The following EPS15L1 variants were observed in gnomAD, a reference collection of about 807,000 sequenced individuals.
The protein encoded by EPS15L1 is epidermal growth factor receptor substrate 15-like 1.
EPS15L1 carries 43 observed loss-of-function variants against 117.1 expected under a neutral mutation model. The observed-to-expected ratio is 0.37, with a 90% CI of 0.29 to 0.47. The LOEUF (loss-of-function observed/expected upper bound fraction) is 0.47, where lower values mean the gene tolerates loss of function less well. Among genes scored for constraint, EPS15L1 ranks in the 20% least tolerant of loss-of-function variants. The pLI, the probability that EPS15L1 is intolerant of heterozygous loss-of-function variation, is 0.99. For synonymous variants in EPS15L1, 459 were observed against 470.5 expected, an observed-to-expected ratio of 0.98 and a Z score of 0.32; for missense variants, 981 against 1,164.0, an observed-to-expected ratio of 0.84 and a Z score of 2.29.
intron 19 of EPS15L1, among the ~76,000 whole-genome samples, chr19:16,389,165 G>T (rs568559986): frequency 6.6e-6 from 1 of 151,348 alleles, no homozygotes; most frequent in East Asian, 1.9e-4. Context: ...GAAAAGAAAA[G>T]AATAATAGCT....
Position 16,402,469 on chromosome 19 carries a change from G to C in EPS15L1, c.1643C>G (p.Ser548Cys). Reference sequence around the variant, plus strand: ...CTCCTGGCGGCTTTCATGCAGCTGGGAAAGTTTGCTCCTTGCCTGTGCAAC... The same window carrying C: ...CTCCTGGCGGCTTTCATGCAGCTGGCAAAGTTTGCTCCTTGCCTGTGCAAC... ...DEINQARSKL[S>C]QLHESRQEAH... is the part of the protein sequence containing the mutation. Residue 548 changes from serine to cysteine, a missense_variant, in exon 16 of 24, where the codon TCC becomes TGC. Physicochemically the swap from Ser to Cys is moderately radical, Grantham distance 112 (BLOSUM62 -1). Transcript: ENST00000455140. 1 of 1,607,364 alleles carries C rather than the reference G, an allele frequency of 6.2e-7. No homozygotes were observed.
rs1040088633 is a variant in EPS15L1 at position 16,377,398 on chromosome 19, G to C, written c.2248-144C>G. On this transcript the variant is annotated intron_variant, in intron 21 of 23. Transcript: ENST00000455140. The stretch of plus-strand genomic sequence containing the variant: ...GCACAACATGGCCCTGCTTGGACGT[G>C]GGGTCTCTTTCAAGCCCCATGCTTT... 4.5e-6 allele frequency: 4 copies of C among 893,258 alleles called. No individual in the cohort carries two copies. In the South Asian group the frequency reaches 6.9e-5, roughly 15 times the overall value. The allele number at this position is 893,258 out of a possible 1,614,324, so 55.3% of individuals were successfully genotyped here.
Position 16,364,003 on chromosome 19 carries a change from G to T in EPS15L1, c.2381-2019C>A, listed in dbSNP as rs1055708101. 7.2e-5 allele frequency among the ~76,000 whole-genome samples: 11 copies of T among 152,212 alleles called. No individual in the cohort carries two copies. In the South Asian group the frequency reaches 1.0e-3, roughly 14 times the overall value. ...CCCACAGGGTTCCACCGGGGTCGCC[G>T]TTGCATCCTTAGCTGACCTCTGGCC... On this transcript the variant is annotated intron_variant, in intron 22 of 23. Transcript: ENST00000455140.
chr19:16,419,416 G>A (rs945820469), intron 10 of EPS15L1, among the ~76,000 whole-genome samples: 6 of 151,916 alleles, frequency 3.9e-5, no homozygotes, highest in African/African-American at 1.4e-4. Flanking sequence ...CCAAGATTGC[G>A]CCAATGCGCT....
intron 1 of EPS15L1, among the ~76,000 whole-genome samples, chr19:16,469,341 G>A (rs561240272): frequency 6.6e-6 from 1 of 152,252 alleles, no homozygotes; most frequent in East Asian, 1.9e-4. Flanking sequence ...CAGTGTTGCG[G>A]AGTTCGAGGA....
chr19:16,377,975 CAGCTTAAAGAGAG>C (rs2092316396), intron 21 of EPS15L1, among the ~76,000 whole-genome samples: 1 of 152,192 alleles, frequency 6.6e-6, no homozygotes, highest in African/African-American at 2.4e-5. Context: ...CCATATCCTC[CAGCTTAAAGAGAG>C]AGACAGTCAG....
rs533522123 is a variant in EPS15L1, at chr19:16,371,855, G to A, written c.2380+5267C>T. On this transcript the variant is annotated intron_variant, in intron 22 of 23. Transcript: ENST00000455140. The surrounding 1 kb of genome is among the most constrained non-coding windows in gnomAD (Gnocchi z 4.7). Reference sequence around the variant, plus strand: ...TCTGACTGATCTTGATCTCCGGTCCGTTGCAGAAAATATACCATTGTTTAC... The same window carrying A: ...TCTGACTGATCTTGATCTCCGGTCCATTGCAGAAAATATACCATTGTTTAC... 3.3e-5 allele frequency among the ~76,000 whole-genome samples: 5 copies of A among 152,284 alleles called. 1 individual carries two copies. Among genetic ancestry groups the A allele is most frequent in the Admixed American group, 2.0e-4 (3 of 15,308 alleles).
chr19:16,448,499 T>C (rs1568460378), intron 1 of EPS15L1, among the ~76,000 whole-genome samples: 1 of 143,404 alleles, frequency 7.0e-6, no homozygotes, highest in Non-Finnish European at 1.5e-5. Flanking sequence ...CATTGCACCA[T>C]TGCACTCCAG....
intron 13 of EPS15L1, chr19:16,413,318 T>C (rs887751318): frequency 1.8e-5 from 12 of 675,978 alleles, no homozygotes; most frequent in Non-Finnish European, 3.2e-5. Flanking sequence ...TCTCAGCACC[T>C]GTGTCCAAGA....
chr19:16,427,351 G>A (rs182507750), intron 8 of EPS15L1, among the ~76,000 whole-genome samples: 52 of 152,234 alleles, frequency 3.4e-4, no homozygotes, highest in African/African-American at 1.2e-3. Context: ...TGGGACCACA[G>A]GGTTTCAGTT....
intron 1 of EPS15L1, among the ~76,000 whole-genome samples, chr19:16,445,375 C>T (rs1023294654): frequency 6.6e-6 from 1 of 152,198 alleles, no homozygotes; most frequent in Non-Finnish European, 1.5e-5. Flanking sequence ...CACGGGAGTC[C>T]ATCTGGGTAA....
chr19:16,421,363 G>C lies in EPS15L1; in HGVS notation c.906C>G (p.Ile302Met). The C allele has an allele frequency of 6.2e-7, 1 of 1,613,740 alleles. No homozygotes were observed. Among genetic ancestry groups the C allele is most frequent in the Non-Finnish European group, 8.5e-7 (1 of 1,179,714 alleles). Residue 302 changes from isoleucine to methionine, a missense_variant, in exon 10 of 24, where the codon ATC becomes ATG. By Grantham distance (10) the Ile-to-Met change is conservative (BLOSUM62 1). Transcript: ENST00000455140. ...GYVSGQEVKE[I>M]FMHSGLTQNL... ...TCTGGGTGAGGCCCGAGTGCATGAAGATCTCCTTCACCTCCTGGCCACTCA... is the reference window on the plus strand; with the variant it reads ...TCTGGGTGAGGCCCGAGTGCATGAACATCTCCTTCACCTCCTGGCCACTCA...
At chr19:16,392,568 A>C (rs1198035461) in intron 18 of EPS15L1, 128 bp from the exon 19 acceptor site, 3 of 930,418 alleles carry the variant, frequency 3.2e-6, no homozygotes, top group Non-Finnish European at 4.8e-6. Context: ...GTGACGGAAA[A>C]CAGGATAATG....
intron 6 of EPS15L1, 95 bp from the exon 7 acceptor site, chr19:16,434,585 G>A (rs145901156): frequency 2.6e-5 from 35 of 1,341,850 alleles, no homozygotes; most frequent in African/African-American, 2.2e-4. Context: ...AAATGGCCAC[G>A]GACCCATCAT....
intron 10 of EPS15L1, among the ~76,000 whole-genome samples, chr19:16,419,992 C>T (rs2092798794): frequency 6.6e-6 from 1 of 152,256 alleles, no homozygotes; most frequent in African/African-American, 2.4e-5. Context: ...CCGGCTCTGA[C>T]ACCACATCCT....
In EPS15L1 at chr19:16,355,364, T is replaced by C; in HGVS notation, c.*341A>G. The C allele has an allele frequency of 3.8e-6, 1 of 260,888 alleles. No individual in the cohort carries two copies. The allele number at this position is 260,888 out of a possible 1,614,324, so 16.2% of individuals were successfully genotyped here. A position where few individuals can be genotyped will look rare whatever the true frequency, so the allele number is the denominator to read the frequency against. On this transcript the variant is annotated 3_prime_UTR_variant, in exon 24 of 24. Transcript: ENST00000455140. Reference sequence around the variant, plus strand: ...GAGGGCGGGTGGGGATGTCTGCAGCTATGAGTAGGGAGGAGGCGGGGAAGC... The same window carrying C: ...GAGGGCGGGTGGGGATGTCTGCAGCCATGAGTAGGGAGGAGGCGGGGAAGC...
At chr19:16,441,784 C>G in intron 3 of EPS15L1, 108 bp downstream of exon 3, 2 of 815,254 alleles carry the variant, frequency 2.5e-6, no homozygotes, top group South Asian at 1.7e-5. Context: ...AGGCCACTAC[C>G]CAGGAGGCCG....
rs1206846626 is a variant in EPS15L1, at chr19:16,404,266, C to T, written c.1428+322G>A. Among the ~76,000 whole-genome samples, 1 of 152,164 alleles carries T rather than the reference C, an allele frequency of 6.6e-6. No individual in the cohort carries two copies. The highest frequency in any genetic ancestry group is 2.4e-5 in the African/African-American group (1 of 41,440). On this transcript the variant is annotated intron_variant, in intron 14 of 23. Coordinates refer to ENST00000455140, the MANE Select transcript of EPS15L1 (RefSeq NM_001258374.3). This position sits in a 1 kb window ranked among gnomAD's most constrained non-coding sequence, Gnocchi z 4.2. ...GCAGCCTCCGGGATCTGTGAGGAGC[C>T]TCAGAGACACCTGAGGAGGGGACAC...
chr19:16,374,827 C>G (rs889391504), intron 22 of EPS15L1, among the ~76,000 whole-genome samples: 1 of 152,228 alleles, frequency 6.6e-6, no homozygotes, highest in African/African-American at 2.4e-5. Context: ...TATGTAAGCA[C>G]AGAGTGTGCA....
Sources: allele counts gnomAD v4.1 joint callset (sites outside exome capture counted in the v4.1 genomes callset), GRCh38; gene constraint gnomAD v4.1.1; non-coding constraint Gnocchi (gnomAD v3.1); transcripts MANE v1.5; gene names NCBI Gene and HGNC (gene_info 2026-07-23, HGNC 2026-07-21).